The following FRK variants were observed in gnomAD, a reference collection of about 807,000 sequenced individuals.
FRK encodes tyrosine-protein kinase FRK.
In FRK, 51 loss-of-function variants were observed where a neutral mutation model predicts 56.4. The observed-to-expected ratio is 0.90, with a 90% CI of 0.72 to 1.14. FRK has a LOEUF of 1.14. Ranked by LOEUF, FRK falls within the 50% of genes most tolerant of loss-of-function variation. FRK has a pLI of 0.00. For synonymous variants in FRK, 245 were observed against 217.9 expected (o/e 1.12, Z -1.10); for missense variants, 570 against 601.4 (o/e 0.95, Z 0.55).
chr6:116,001,423 A>G (rs1165738545), intron 2 of FRK, among the ~76,000 whole-genome samples: 2 of 152,186 alleles, frequency 1.3e-5, no homozygotes, highest in African/African-American at 2.4e-5. Context: ...CCAGTCTTCA[A>G]GATGGATCCC....
At chr6:115,954,505 T>C (rs1772910872) in intron 5 of FRK, among the ~76,000 whole-genome samples, 1 of 152,094 alleles carries the variant, frequency 6.6e-6, no homozygotes, top group African/African-American at 2.4e-5. Flanking sequence ...CAATGAGATT[T>C]TGCTAGCAGG....
chr6:115,936,995 G>C lies in FRK; in HGVS notation c.*5419C>G, dbSNP rs1195269254. 6.6e-6 allele frequency: 1 copy of C among 152,096 alleles called. No individual in the cohort carries two copies. Among genetic ancestry groups the C allele is most frequent in the Non-Finnish European group, 1.5e-5 (1 of 68,032 alleles). 9.4% of individuals were successfully genotyped at this position (152,096 alleles called of 1,614,324 possible). ...AGAGAACGCCACAAAGATACTCCTCGAGCAGAGCAACCCCAAGACATATAA... is the reference window on the plus strand; with the variant it reads ...AGAGAACGCCACAAAGATACTCCTCCAGCAGAGCAACCCCAAGACATATAA... On this transcript the variant is annotated 3_prime_UTR_variant, in exon 8 of 8. Transcript: ENST00000606080.
At chr6:116,067,593 A>G in the FRK span, among the ~76,000 whole-genome samples, 1 of 152,296 alleles carries the variant, frequency 6.6e-6, no homozygotes, top group South Asian at 2.1e-4. Context: ...AAAAATAACA[A>G]AAAACATTTT....
upstream of FRK, among the ~76,000 whole-genome samples, chr6:116,061,399 AACACACACACACACAC>A (rs3049929): frequency 6.8e-6 from 1 of 146,574 alleles, no homozygotes; most frequent in Non-Finnish European, 1.5e-5. Flanking sequence ...CTATTTGGGA[AACACACACACACACAC>A]ACACACACAC....
chr6:115,988,404 A>G (rs1774465686), intron 2 of FRK, among the ~76,000 whole-genome samples: 4 of 152,060 alleles, frequency 2.6e-5, no homozygotes. Flanking sequence ...ACGTTCATAA[A>G]GCAAAACTGC....
intron 1 of FRK, among the ~76,000 whole-genome samples, chr6:116,013,703 CTA>C (rs1440149583): frequency 6.6e-6 from 1 of 152,070 alleles, no homozygotes; most frequent in African/African-American, 2.4e-5. Context: ...ACATGGGACA[CTA>C]TATGGTTATA....
chr6:116,093,729 G>A, the FRK span, among the ~76,000 whole-genome samples: 1 of 152,156 alleles, frequency 6.6e-6, no homozygotes, highest in Non-Finnish European at 1.5e-5. Flanking sequence ...ATGCAATGAT[G>A]TCCACCATAA....
chr6:116,018,117 G>A (rs1432254602), intron 1 of FRK, among the ~76,000 whole-genome samples: 1 of 152,080 alleles, frequency 6.6e-6, no homozygotes. Flanking sequence ...ATAGGTTGCT[G>A]AGGAACCACT....
chr6:115,998,846 A>G (rs1430326791), intron 2 of FRK, among the ~76,000 whole-genome samples: 1 of 152,200 alleles, frequency 6.6e-6, no homozygotes, highest in Non-Finnish European at 1.5e-5. Context: ...CTTTTGCCTT[A>G]TGGCCTCAAT....
chr6:116,045,220 T>C (rs1776901467), intron 1 of FRK, among the ~76,000 whole-genome samples: 1 of 152,142 alleles, frequency 6.6e-6, no homozygotes, highest in African/African-American at 2.4e-5. Context: ...TTCTCAGAAT[T>C]AGAAAAAAAC....
chr6:115,941,252 C>G lies in FRK; in HGVS notation c.*1162G>C, dbSNP rs1206685485. The G allele has an allele frequency of 6.6e-6, 1 of 152,058 alleles. No homozygotes were observed. Among genetic ancestry groups the G allele is most frequent in the East Asian group, 1.9e-4 (1 of 5,166 alleles). 9.4% of individuals were successfully genotyped at this position (152,058 alleles called of 1,614,324 possible). ...ACAAACTAACACAAGAACAAAAAAC[C>G]AAACACAGCATGTTCTCACTCATAA... On this transcript the variant is annotated 3_prime_UTR_variant, in exon 8 of 8. Transcript: ENST00000606080.
intron 1 of FRK, chr6:116,038,773 G>A (rs2114781200): frequency 2.0e-6 from 1 of 493,506 alleles, no homozygotes; most frequent in African/African-American, 2.0e-5. Flanking sequence ...CCTCCAGGAA[G>A]TTCGTTGGGG....
At chr6:116,078,949 CAT>C in the FRK span, among the ~76,000 whole-genome samples, 1 of 152,128 alleles carries the variant, frequency 6.6e-6, no homozygotes, top group Non-Finnish European at 1.5e-5. Flanking sequence ...TAGTTTGTAA[CAT>C]ATCAAAAGTC....
upstream of FRK, among the ~76,000 whole-genome samples, chr6:116,062,244 C>G (rs1728489944): frequency 6.6e-6 from 1 of 151,796 alleles, no homozygotes. Context: ...TTTGTTGTTG[C>G]TGTTGTTGTT....
At chr6:115,957,415 A>T (rs1296075447) in intron 4 of FRK, among the ~76,000 whole-genome samples, 5 of 152,216 alleles carry the variant, frequency 3.3e-5, no homozygotes, top group Admixed American at 3.3e-4. Context: ...CAGTAATTTT[A>T]AAATCTTTTC....
At chr6:115,990,786 AT>A (rs905073973) in intron 2 of FRK, among the ~76,000 whole-genome samples, 2 of 151,132 alleles carry the variant, frequency 1.3e-5, no homozygotes, top group Non-Finnish European at 3.0e-5. Context: ...GAATTTTAGA[AT>A]TTTTTTTCTA....
At chr6:115,965,223 T>C (rs893719788) in intron 4 of FRK, among the ~76,000 whole-genome samples, 36 of 138,976 alleles carry the variant, frequency 2.6e-4, no homozygotes, top group Non-Finnish European at 4.0e-4. Context: ...AACAACCCCA[T>C]CAAAAAGTGG....
intron 2 of FRK, among the ~76,000 whole-genome samples, chr6:116,002,503 G>A (rs1387713499): frequency 6.6e-6 from 1 of 152,186 alleles, no homozygotes; most frequent in African/African-American, 2.4e-5. Flanking sequence ...TGTAGTCCCA[G>A]CTACTTGGTA....
the FRK span, among the ~76,000 whole-genome samples, chr6:116,093,260 A>G: frequency 2.0e-5 from 3 of 151,104 alleles, no homozygotes; most frequent in East Asian, 5.8e-4. Context: ...GACCAAAAAA[A>G]CCCCCGGGCT....
Sources: gnomAD v4.1 joint callset for allele counts (sites outside exome capture counted in the v4.1 genomes callset) on GRCh38, gnomAD v4.1.1 for gene constraint, MANE v1.5 for transcripts, NCBI Gene and HGNC (gene_info 2026-07-23, HGNC 2026-07-21) for gene names.